CDH18: variants seen among roughly 807,000 people sequenced by gnomAD.
CDH18 encodes the protein cadherin 18.
A neutral mutation model predicts 67.9 loss-of-function variants in CDH18; 31 were observed. The observed-to-expected ratio is 0.46, with a 90% CI of 0.34 to 0.62. CDH18 has a LOEUF of 0.62. Ranked by LOEUF, CDH18 falls within the 20% of genes least tolerant of loss-of-function variation. The pLI is 0.01. For missense variants in CDH18, 890 were observed against 975.5 expected, an observed-to-expected ratio of 0.91 and a Z score of 1.17; for synonymous variants, 362 against 347.2, an observed-to-expected ratio of 1.04 and a Z score of -0.48.
intron 1 of CDH18, among the ~76,000 whole-genome samples, chr5:20,533,646 G>A (rs115663409): frequency 0.011 from 1,673 of 152,102 alleles, 24 homozygotes; most frequent in African/African-American, 0.038. Flanking sequence ...TGAATTATCA[G>A]CACTATTTGC....
intron 1 of CDH18, among the ~76,000 whole-genome samples, chr5:20,387,708 C>T (rs1240277711): frequency 6.6e-6 from 1 of 152,150 alleles, no homozygotes; most frequent in Non-Finnish European, 1.5e-5. Flanking sequence ...GTGGGTTTCT[C>T]ATAGATAGCT....
chr5:20,119,273 G>C (rs575337622), intron 2 of CDH18, among the ~76,000 whole-genome samples: 1 of 152,160 alleles, frequency 6.6e-6, no homozygotes, highest in Non-Finnish European at 1.5e-5. Context: ...TAAAAATATG[G>C]CTTTCTATTC....
intron 1 of CDH18, among the ~76,000 whole-genome samples, chr5:20,336,925 T>C: frequency 6.6e-6 from 1 of 152,012 alleles, no homozygotes; most frequent in East Asian, 1.9e-4. Context: ...CAGGCACTCA[T>C]GGATAATAAC....
intron 1 of CDH18, among the ~76,000 whole-genome samples, chr5:20,479,538 T>G (rs1379356216): frequency 1.3e-5 from 2 of 152,006 alleles, no homozygotes; most frequent in Non-Finnish European, 2.9e-5. Flanking sequence ...ATCAGTGAAC[T>G]TATAAACAGG....
At chr5:19,480,466 C>T (rs1739231391) in intron 12 of CDH18, among the ~76,000 whole-genome samples, 1 of 151,526 alleles carries the variant, frequency 6.6e-6, no homozygotes, top group Non-Finnish European at 1.5e-5. Flanking sequence ...CAAGCTCCGC[C>T]TCCCGGGCTC....
chr5:19,859,233 T>G (rs1466471826), intron 2 of CDH18, among the ~76,000 whole-genome samples: 2 of 152,000 alleles, frequency 1.3e-5, no homozygotes, highest in Non-Finnish European at 2.9e-5. Context: ...TATACTCTCC[T>G]CCCTTTGGAA....
intron 2 of CDH18, chr5:20,158,773 C>A (rs1003633230): frequency 1.2e-4 from 20 of 173,270 alleles, no homozygotes; most frequent in Non-Finnish European, 2.4e-4. Flanking sequence ...TGATCAGTAA[C>A]CTTGTGAATA....
intron 5 of CDH18, among the ~76,000 whole-genome samples, chr5:19,706,250 T>C (rs1468997683): frequency 6.6e-6 from 1 of 152,216 alleles, no homozygotes; most frequent in Non-Finnish European, 1.5e-5. Flanking sequence ...ACATCACTCA[T>C]ATTAGGGCTC....
rs549926436 is a variant in CDH18 at position 20,009,000 on chromosome 5, C to T, written c.-517-16986G>A. On this transcript the variant is annotated intron_variant, in intron 2 of 14. Coordinates refer to the CDH18 transcript ENST00000507958. ...CTTTCCTGGTGGGCTATGTTATGTA[C>T]ACTCAAATAGGACGCATAAGATGTA... Among the ~76,000 whole-genome samples the T allele has an allele frequency of 7.9e-5, 12 of 152,196 alleles. No homozygotes were observed. The South Asian group carries it at 2.5e-3, about 32-fold the overall frequency.
chr5:20,522,052 T>C (rs1189715161), intron 1 of CDH18, among the ~76,000 whole-genome samples: 1 of 152,166 alleles, frequency 6.6e-6, no homozygotes, highest in East Asian at 1.9e-4. Flanking sequence ...GGGCCCTGTT[T>C]CAATATCACT....
At chr5:20,435,238 T>G (rs1749083041) in intron 1 of CDH18, among the ~76,000 whole-genome samples, 1 of 152,072 alleles carries the variant, frequency 6.6e-6, no homozygotes, top group Non-Finnish European at 1.5e-5. Flanking sequence ...TATTGACATG[T>G]CAGTGCCAAT....
chr5:19,782,711 C>T (rs2149786797), intron 3 of CDH18, among the ~76,000 whole-genome samples: 2 of 152,216 alleles, frequency 1.3e-5, no homozygotes, highest in South Asian at 4.1e-4. Context: ...TGATTTGTCT[C>T]CTGCACTGTA....
At chr5:20,307,894 C>T (rs1425599977) in intron 1 of CDH18, among the ~76,000 whole-genome samples, 2 of 152,068 alleles carry the variant, frequency 1.3e-5, no homozygotes, top group African/African-American at 2.4e-5. Context: ...TTTAGTCCTT[C>T]ATTAACCTTA....
chr5:20,539,016 G>A (rs1013184985), intron 1 of CDH18, among the ~76,000 whole-genome samples: 2 of 143,598 alleles, frequency 1.4e-5, no homozygotes, highest in Non-Finnish European at 3.0e-5. Flanking sequence ...ATACTCCCAA[G>A]TAGCTGGGAT....
chr5:19,971,519 C>T (rs780179117), intron 2 of CDH18, among the ~76,000 whole-genome samples: 1 of 152,042 alleles, frequency 6.6e-6, no homozygotes, highest in Non-Finnish European at 1.5e-5. Flanking sequence ...ATTTGCGAAA[C>T]TTGGTACATC....
chr5:19,772,561 C>T (rs1773852616), intron 3 of CDH18, among the ~76,000 whole-genome samples: 1 of 152,174 alleles, frequency 6.6e-6, no homozygotes, highest in African/African-American at 2.4e-5. Context: ...CCTGTCCACA[C>T]CTTGATTCCA....
intron 3 of CDH18, among the ~76,000 whole-genome samples, chr5:19,748,794 G>A (rs1200293069): frequency 1.3e-5 from 2 of 152,056 alleles, no homozygotes; most frequent in East Asian, 3.9e-4. Flanking sequence ...TTTTTTTTCT[G>A]GGAAAATTAG....
chr5:19,784,354 T>C (rs1029344215), intron 3 of CDH18, among the ~76,000 whole-genome samples: 2 of 152,160 alleles, frequency 1.3e-5, no homozygotes, highest in Non-Finnish European at 2.9e-5. Flanking sequence ...AGTAGCTCTT[T>C]CTGCAACTTG....
chr5:19,522,460 T>C (rs1245010937), intron 9 of CDH18, among the ~76,000 whole-genome samples: 2 of 152,102 alleles, frequency 1.3e-5, no homozygotes, highest in Admixed American at 6.6e-5. Flanking sequence ...ATGTCACAAA[T>C]AAGGACATAC....
Sources: allele counts gnomAD v4.1 joint callset (sites outside exome capture counted in the v4.1 genomes callset), GRCh38; gene constraint gnomAD v4.1.1; transcripts MANE v1.5; gene names NCBI Gene and HGNC (gene_info 2026-07-23, HGNC 2026-07-21).